ADAMTSL2: variants seen among roughly 807,000 people sequenced by gnomAD.
The protein encoded by ADAMTSL2 is ADAMTS-like protein 2.
ADAMTSL2 carries 55 observed loss-of-function variants against 117.0 expected under a neutral mutation model. That is an observed-to-expected ratio of 0.47 (90% CI 0.38 to 0.59). The LOEUF (loss-of-function observed/expected upper bound fraction) is 0.59. ADAMTSL2 is among the 20% of genes least tolerant of loss of function. The pLI, the probability that ADAMTSL2 is intolerant of heterozygous loss-of-function variation, is 0.00. For missense variants in ADAMTSL2, 1,182 were observed against 1,354.5 expected, an observed-to-expected ratio of 0.87 and a Z score of 2.00; for synonymous variants, 572 against 566.4, an observed-to-expected ratio of 1.01 and a Z score of -0.14.
intron 9 of ADAMTSL2, among the ~76,000 whole-genome samples, chr9:133,550,209 A>C (rs999673359): frequency 6.6e-6 from 1 of 152,232 alleles, no homozygotes; most frequent in Non-Finnish European, 1.5e-5. Flanking sequence ...TACTTCACTA[A>C]AGCCCCATCC....
chr9:133,569,445 A>G lies in ADAMTSL2; in HGVS notation c.2282A>G (p.His761Arg), dbSNP rs1234335454. The G allele has an allele frequency of 6.2e-7, 1 of 1,613,494 alleles. No homozygotes were observed. Among genetic ancestry groups the G allele is most frequent in the African/African-American group, 1.3e-5 (1 of 74,932 alleles). Residue 761 changes from histidine (H) to arginine (R), a missense_variant, in exon 16 of 19, where the codon CAC becomes CGC. Physicochemically the swap from His to Arg is conservative, Grantham distance 29. Coordinates refer to ENST00000651351, the MANE Select transcript of ADAMTSL2 (RefSeq NM_014694.4). ...GSCGQGRTIR[H>R]VYCKTSDGRV... ...TGCGGGCAAGGCCGCACCATCAGGC[A>G]CGTGTACTGCAAGACCAGCGACGGA...
chr9:133,568,213 T>G (rs1831020424), intron 13 of ADAMTSL2, 60 bp from the exon 14 acceptor site: 13 of 1,513,260 alleles, frequency 8.6e-6, no homozygotes, highest in Non-Finnish European at 1.2e-5. Context: ...GGGGTGTGGG[T>G]TGCATGGGGT....
At position 133,554,296 on chromosome 9, in the gene ADAMTSL2, T is replaced by C. The variant is rs907919956; in HGVS notation, c.940-61T>C. ...ACCCTGCAGCTCTGTGGGAAGGGGA[T>C]TGGTGGGGAAGGGGCTGGACAGAGT... On this transcript the variant is annotated intron_variant, in intron 9 of 18. Coordinates refer to ENST00000651351, the MANE Select transcript of ADAMTSL2 (RefSeq NM_014694.4). The surrounding 1 kb of genome is among the most constrained non-coding windows in gnomAD (Gnocchi z 5.2). The C allele has an allele frequency of 7.8e-6, 11 of 1,419,238 alleles. No homozygotes were observed. The African/African-American group carries it at 1.6e-4, about 20-fold the overall frequency. The allele number at this position is 1,419,238 out of a possible 1,614,324, so 87.9% of individuals were successfully genotyped here.
intron 6 of ADAMTSL2, 21 bp from the exon 7 acceptor site, chr9:133,540,857 T>C: frequency 3.7e-6 from 6 of 1,613,094 alleles, no homozygotes; most frequent in South Asian, 1.1e-5. Context: ...CCAGCAGCCC[T>C]CTCCCTCTCC....
Position 133,570,360 on chromosome 9 carries a change from G to A in ADAMTSL2, c.2445G>A (p.Lys815=). The part of the protein sequence containing the change: ...RCNTTCGRGV[K]KRLVLCMELA... ...ACACCACCTGCGGGCGCGGGGTCAA[G>A]AAGCGGCTGGTGCTCTGCATGGAGC... Residue 815 remains lysine (K), a synonymous_variant, in exon 17 of 19, where the codon AAG becomes AAA. Transcript: ENST00000651351. The A allele has an allele frequency of 6.4e-7, 1 of 1,551,624 alleles. No homozygotes were observed. Among genetic ancestry groups the A allele is most frequent in the South Asian group, 1.2e-5 (1 of 84,340 alleles).
rs1294239910 is a variant in ADAMTSL2, at chr9:133,540,949, T to C, written c.630T>C (p.Gly210=). The change falls in exon 7 of 19, where the codon GGT becomes GGC. Residue 210 remains glycine (G), a synonymous_variant. Transcript: ENST00000651351. ...AGTGTGGCATCTGCCAGGGGGACGGTAGCAGCTGCACCCACGTGACGGGCA... is the reference window on the plus strand; with the variant it reads ...AGTGTGGCATCTGCCAGGGGGACGGCAGCAGCTGCACCCACGTGACGGGCA... The part of the protein sequence containing the change: ...LDKCGICQGD[G]SSCTHVTGNY... 1 of 1,613,270 alleles carries C rather than the reference T, an allele frequency of 6.2e-7. No homozygotes were observed. Among genetic ancestry groups the C allele is most frequent in the East Asian group, 2.2e-5 (1 of 44,890 alleles).
In ADAMTSL2 at chr9:133,536,901, C is replaced by T. The variant is rs745998771; in HGVS notation, c.90+99C>T. On this transcript the variant is annotated intron_variant, in intron 2 of 18. Transcript: ENST00000651351. ...TGGCTTGGAGGGAGCCGTGTGGGCA[C>T]GTGCCCCAGGTCCCAGAACCCATCT... 8.3e-6 allele frequency: 13 copies of T among 1,568,984 alleles called. No homozygotes were observed. The East Asian group carries it at 9.1e-5, about 11-fold the overall frequency.
chr9:133,560,508 C>T (rs1339550607), intron 11 of ADAMTSL2, among the ~76,000 whole-genome samples: 1 of 152,214 alleles, frequency 6.6e-6, no homozygotes, highest in Non-Finnish European at 1.5e-5. Flanking sequence ...CCTACTGGTT[C>T]AAAGAAGCAA....
At chr9:133,567,837 C>T (rs1413472972) in intron 13 of ADAMTSL2, among the ~76,000 whole-genome samples, 2 of 152,194 alleles carry the variant, frequency 1.3e-5, no homozygotes, top group Admixed American at 6.5e-5. Flanking sequence ...GGAAGACTTC[C>T]GGGTCTCACT....
intron 17 of ADAMTSL2, 111 bp downstream of exon 17, chr9:133,570,618 A>G (rs1417381798): frequency 2.5e-6 from 3 of 1,206,810 alleles, no homozygotes; most frequent in Non-Finnish European, 2.4e-6. Context: ...CCTCCCTGAC[A>G]GCCTCTGTGA....
Position 133,554,726 on chromosome 9 carries a change from C to T in ADAMTSL2, c.1276+33C>T. ...GGAGGAGGGAGGCATGAGGGTGGGGCCCGGGAGGCAGCCCAGGGAAGGGGG... is the reference window on the plus strand; with the variant it reads ...GGAGGAGGGAGGCATGAGGGTGGGGTCCGGGAGGCAGCCCAGGGAAGGGGG... On this transcript the variant is annotated intron_variant, in intron 10 of 18. Transcript: ENST00000651351. The surrounding 1 kb of genome is among the most constrained non-coding windows in gnomAD (Gnocchi z 5.2). The T allele has an allele frequency of 6.9e-7, 1 of 1,453,016 alleles. No individual in the cohort carries two copies. 90.0% of individuals were successfully genotyped at this position (1,453,016 alleles called of 1,614,324 possible).
In ADAMTSL2 at chr9:133,569,553, A is replaced by G; in HGVS notation, c.2390A>G (p.His797Arg). 6.3e-7 allele frequency: 1 copy of G among 1,588,062 alleles called. No homozygotes were observed. Among genetic ancestry groups the G allele is most frequent in the Non-Finnish European group, 8.6e-7 (1 of 1,166,440 alleles). The change falls in exon 16 of 19, where the codon CAC (histidine) becomes CGC (arginine). Residue 797 changes from histidine to arginine, a missense_variant. By Grantham distance (29) the His-to-Arg change is conservative (BLOSUM62 0). Around this residue, in one of 3 missense-constraint regions of ADAMTSL2, gnomAD observed 465 missense variants for 565.3 expected, o/e 0.82. Transcript: ENST00000651351. ...TGTGGGGACAAAAACTGTCCCGCCC[A>G]CTGGCTGGCCCAGGACTGGGAGCGG... ...HPCGDKNCPA[H>R]WLAQDWERCN... is the part of the protein sequence containing the mutation.
At chr9:133,562,431 C>A (rs1249284374) in intron 12 of ADAMTSL2, among the ~76,000 whole-genome samples, 1 of 147,230 alleles carries the variant, frequency 6.8e-6, no homozygotes, top group Non-Finnish European at 1.5e-5. Flanking sequence ...GGCGGCGTGG[C>A]GGGCACCCGG....
intron 9 of ADAMTSL2, among the ~76,000 whole-genome samples, chr9:133,552,763 T>C (rs977838825): frequency 1.9e-4 from 29 of 152,222 alleles, no homozygotes; most frequent in Non-Finnish European, 4.1e-4. Context: ...TCTGTCTTGT[T>C]ATTGTGGGGG....
At chr9:133,563,455 G>C (rs1026388324) in intron 12 of ADAMTSL2, among the ~76,000 whole-genome samples, 2 of 146,768 alleles carry the variant, frequency 1.4e-5, no homozygotes, top group African/African-American at 5.5e-5. Context: ...GCCTGTGGGC[G>C]TTGTCACTAA....
At chr9:133,550,463 C>A (rs2131128274) in intron 9 of ADAMTSL2, among the ~76,000 whole-genome samples, 1 of 152,310 alleles carries the variant, frequency 6.6e-6, no homozygotes, top group East Asian at 1.9e-4. Flanking sequence ...TTGTTTAATG[C>A]CATGTTCTCG....
intron 18 of ADAMTSL2, 59 bp from the exon 19 acceptor site, chr9:133,574,687 T>C: frequency 6.7e-7 from 1 of 1,495,234 alleles, no homozygotes; most frequent in Non-Finnish European, 9.3e-7. Context: ...GTCCCTGGGG[T>C]TTTCGCCCCT....
In ADAMTSL2 at chr9:133,541,902, C is replaced by T. The variant is rs1238525549; in HGVS notation, c.682+901C>T. Among the ~76,000 whole-genome samples the T allele has an allele frequency of 2.0e-5, 3 of 152,346 alleles. No individual in the cohort carries two copies. In the East Asian group the frequency reaches 5.8e-4, roughly 29 times the overall value. On this transcript the variant is annotated intron_variant, in intron 7 of 18. Transcript: ENST00000651351. ...AATGCTTGGCATTAGATTGAACACA[C>T]TTTTGGTTCTGAAGAAATGTTTGAG...
intron 11 of ADAMTSL2, among the ~76,000 whole-genome samples, chr9:133,560,365 G>T (rs1830697735): frequency 6.6e-6 from 1 of 152,222 alleles, no homozygotes; most frequent in Admixed American, 6.5e-5. Context: ...TGGCTCAGGG[G>T]CGGCGGGACT....
Sources: allele counts gnomAD v4.1 joint callset (sites outside exome capture counted in the v4.1 genomes callset), GRCh38; gene constraint gnomAD v4.1.1; regional missense constraint gnomAD v4.1.1; non-coding constraint Gnocchi (gnomAD v3.1); transcripts MANE v1.5; gene names NCBI Gene and HGNC (gene_info 2026-07-23, HGNC 2026-07-21).